CLYBL: variants seen among roughly 807,000 people sequenced by gnomAD.
The protein encoded by CLYBL is citramalyl-CoA lyase.
In CLYBL, 31 loss-of-function variants were observed where a neutral mutation model predicts 38.9. The ratio of observed to expected loss-of-function variants is 0.80; its 90% CI spans 0.60 to 1.08. The LOEUF is 1.08. Ranked by LOEUF, CLYBL falls within the 50% of genes least tolerant of loss-of-function variation. The pLI is 0.00. For missense variants in CLYBL, 434 were observed against 411.6 expected, an observed-to-expected ratio of 1.05 and a Z score of -0.47; for synonymous variants, 171 against 158.6, an observed-to-expected ratio of 1.08 and a Z score of -0.59.
At chr13:99,640,977 T>C (rs1712216078) in intron 1 of CLYBL, among the ~76,000 whole-genome samples, 1 of 152,240 alleles carries the variant, frequency 6.6e-6, no homozygotes, top group African/African-American at 2.4e-5. Context: ...TAGTAGCTAG[T>C]TTTACTTTGG....
At chr13:99,760,676 T>C (rs548807350) in intron 1 of CLYBL, among the ~76,000 whole-genome samples, 1 of 152,256 alleles carries the variant, frequency 6.6e-6, no homozygotes, top group African/African-American at 2.4e-5. Flanking sequence ...ATCATCTTAC[T>C]GAAGATACCT....
chr13:99,811,252 C>T (rs2050335587), intron 2 of CLYBL, among the ~76,000 whole-genome samples: 1 of 152,184 alleles, frequency 6.6e-6, no homozygotes, highest in Non-Finnish European at 1.5e-5. Flanking sequence ...GGGTCAAGTG[C>T]CCATTATCCA....
intron 1 of CLYBL, among the ~76,000 whole-genome samples, chr13:99,709,199 A>C (rs756936694): frequency 3.9e-5 from 6 of 152,172 alleles, no homozygotes; most frequent in Non-Finnish European, 8.8e-5. Flanking sequence ...ACATGCATAG[A>C]GGGACAATGG....
At chr13:99,834,830 T>A (rs796295670) in intron 2 of CLYBL, among the ~76,000 whole-genome samples, 12 of 152,248 alleles carry the variant, frequency 7.9e-5, no homozygotes, top group African/African-American at 2.9e-4. Flanking sequence ...ATGTTCTAAT[T>A]CTCCTCCTGC....
chr13:99,613,817 A>G lies in CLYBL; in HGVS notation c.62+7060A>G, dbSNP rs756291203. Among the ~76,000 whole-genome samples the G allele has an allele frequency of 2.2e-4, 34 of 152,350 alleles. 1 individual carries two copies. The highest frequency in any genetic ancestry group is 2.1e-4 in the South Asian group (1 of 4,822). ...AAGTGTTAGATATTTTAAAATGTTTATTGGTATCATTAGAAGTTGACTTCA... is the reference window on the plus strand; with the variant it reads ...AAGTGTTAGATATTTTAAAATGTTTGTTGGTATCATTAGAAGTTGACTTCA... On this transcript the variant is annotated intron_variant, in intron 1 of 8. Transcript: ENST00000339105.
intron 1 of CLYBL, among the ~76,000 whole-genome samples, chr13:99,711,015 G>A (rs1441493754): frequency 6.6e-6 from 1 of 150,874 alleles, no homozygotes; most frequent in East Asian, 2.0e-4. Flanking sequence ...AGCCTCCTGA[G>A]TAGCTGGGAT....
At chr13:99,635,757 G>A (rs1412042923) in intron 1 of CLYBL, among the ~76,000 whole-genome samples, 1 of 152,104 alleles carries the variant, frequency 6.6e-6, no homozygotes, top group Non-Finnish European at 1.5e-5. Flanking sequence ...TCTCAATTCT[G>A]GTCTTTCCAT....
At chr13:99,800,657 T>G (rs184132377) in intron 2 of CLYBL, among the ~76,000 whole-genome samples, 211 of 152,246 alleles carry the variant, frequency 1.4e-3, no homozygotes, top group African/African-American at 4.4e-3. Context: ...GTGGATCACC[T>G]GAGGTCAGGA....
Position 99,734,667 on chromosome 13 carries a change from G to T in CLYBL, c.63-38157G>T, listed in dbSNP as rs767792771. On this transcript the variant is annotated intron_variant, in intron 1 of 8. Transcript: ENST00000339105. ...AGGACCTATACATTTATTTGTCCATGGCTACACCCATAGACATATATTCTA... is the reference window on the plus strand; with the variant it reads ...AGGACCTATACATTTATTTGTCCATTGCTACACCCATAGACATATATTCTA... 7.0e-4 allele frequency among the ~76,000 whole-genome samples: 107 copies of T among 152,078 alleles called. 3 individuals are homozygous for T. The highest frequency in any genetic ancestry group is 3.2e-3 in the Middle Eastern group (1 of 316).
rs2139007572 is a variant in CLYBL at position 99,816,257 on chromosome 13, A to G, written c.250-42604A>G. Among the ~76,000 whole-genome samples the G allele has an allele frequency of 2.6e-5, 4 of 152,380 alleles. No homozygotes were observed. The Middle Eastern group carries it at 0.01, about 389-fold the overall frequency. On this transcript the variant is annotated intron_variant, in intron 2 of 8. Coordinates refer to ENST00000339105, the MANE Select transcript of CLYBL (RefSeq NM_206808.5). Reference sequence around the variant, plus strand: ...TGATTTGAACTCATTTGTTTAACAAATGAGAAGATTTAACATCAAAATGCC... The same window carrying G: ...TGATTTGAACTCATTTGTTTAACAAGTGAGAAGATTTAACATCAAAATGCC...
intron 1 of CLYBL, among the ~76,000 whole-genome samples, chr13:99,626,444 C>T (rs186800082): frequency 2.1e-4 from 32 of 152,350 alleles, no homozygotes; most frequent in Admixed American, 1.4e-3. Context: ...TAATCTCTTT[C>T]GGCCTCCATC....
At position 99,713,334 on chromosome 13, in the gene CLYBL, C is replaced by CTT. The variant is rs759844768; in HGVS notation, c.63-59468_63-59467dup. On this transcript the variant is annotated intron_variant, in intron 1 of 8. Transcript: ENST00000339105. Reference sequence around the variant, plus strand: ...GAGCTTTCTTTGTATTTCTCTATTTCTTTTTTTTTTTTTTTTTTTTTTTAA... The same window carrying CTT: ...GAGCTTTCTTTGTATTTCTCTATTTCTTTTTTTTTTTTTTTTTTTTTTTTTAA... 3.9e-3 allele frequency among the ~76,000 whole-genome samples: 393 copies of CTT among 101,650 alleles called. 7 individuals carry two copies. Among genetic ancestry groups the CTT allele is most frequent in the African/African-American group, 0.012 (313 of 25,900 alleles). 66.7% of individuals were successfully genotyped at this position (101,650 alleles called of 152,430 possible).
intron 2 of CLYBL, among the ~76,000 whole-genome samples, chr13:99,776,881 T>G (rs915422565): frequency 6.6e-6 from 1 of 151,030 alleles, no homozygotes. Flanking sequence ...TCATGCACGT[T>G]TTTTTTTTTC....
chr13:99,868,938 G>T (rs573063629), intron 6 of CLYBL, among the ~76,000 whole-genome samples: 1 of 152,250 alleles, frequency 6.6e-6, no homozygotes, highest in Non-Finnish European at 1.5e-5. Flanking sequence ...TTGATTTAAA[G>T]CACGATATAT....
At chr13:99,701,120 C>G (rs541349917) in intron 1 of CLYBL, among the ~76,000 whole-genome samples, 1 of 152,238 alleles carries the variant, frequency 6.6e-6, no homozygotes, top group East Asian at 1.9e-4. Flanking sequence ...TGGGTGCCCT[C>G]AGGGGCAACC....
chr13:99,773,083 C>A, intron 2 of CLYBL, 73 bp downstream of exon 2: 1 of 1,280,894 alleles, frequency 7.8e-7, no homozygotes, highest in Non-Finnish European at 1.1e-6. Context: ...GTGACATTGC[C>A]CGCTATTTGG....
At chr13:99,873,974 C>A (rs2051973303) in intron 7 of CLYBL, among the ~76,000 whole-genome samples, 1 of 152,128 alleles carries the variant, frequency 6.6e-6, no homozygotes, top group Non-Finnish European at 1.5e-5. Flanking sequence ...AAATAACAAT[C>A]AGCTCATATC....
At chr13:99,725,679 G>A (rs993218170) in intron 1 of CLYBL, among the ~76,000 whole-genome samples, 4 of 152,162 alleles carry the variant, frequency 2.6e-5, no homozygotes, top group Non-Finnish European at 4.4e-5. Context: ...TTTGGAAAAT[G>A]TACGTAATGT....
intron 1 of CLYBL, among the ~76,000 whole-genome samples, chr13:99,642,748 C>CCCTCCCTT (rs1441569996): frequency 3.3e-5 from 5 of 150,802 alleles, no homozygotes; most frequent in African/African-American, 1.2e-4. Context: ...TTCCCTCCCT[C>CCCTCCCTT]CCTCCCTTCC....
Sources: allele counts gnomAD v4.1 joint callset (sites outside exome capture counted in the v4.1 genomes callset), GRCh38; gene constraint gnomAD v4.1.1; transcripts MANE v1.5; gene names NCBI Gene and HGNC (gene_info 2026-07-23, HGNC 2026-07-21).